LIG1: variants seen among roughly 807,000 people sequenced by gnomAD.
LIG1 encodes DNA ligase 1, also known as ligase I, DNA, ATP-dependent.
LIG1 carries 70 observed loss-of-function variants against 115.7 expected under a neutral mutation model. The ratio of observed to expected loss-of-function variants is 0.60; its 90% CI spans 0.50 to 0.74. The LOEUF (loss-of-function observed/expected upper bound fraction) is 0.74. Among genes scored for constraint, LIG1 ranks in the 30% least tolerant of loss-of-function variants. The pLI, the probability that LIG1 is intolerant of heterozygous loss-of-function variation, is 0.00. For synonymous variants in LIG1, 487 were observed against 495.3 expected, an observed-to-expected ratio of 0.98 and a Z score of 0.22; for missense variants, 1,115 against 1,225.6, an observed-to-expected ratio of 0.91 and a Z score of 1.35.
At chr19:48,126,937 G>T in intron 21 of LIG1, 2 of 323,566 alleles carry the variant, frequency 6.2e-6, no homozygotes, top group South Asian at 6.1e-5. Context: ...GAGACTAGAG[G>T]CATTATTTTA....
At chr19:48,117,554 A>T in intron 26 of LIG1, 84 bp downstream of exon 26, 1 of 1,424,184 alleles carries the variant, frequency 7.0e-7, no homozygotes, top group Non-Finnish European at 9.7e-7. Flanking sequence ...AGCAGATGTG[A>T]GCCAAGGTCC....
At chr19:48,150,746 G>T (rs2035419651) in intron 7 of LIG1, among the ~76,000 whole-genome samples, 2 of 152,168 alleles carry the variant, frequency 1.3e-5, no homozygotes, top group Admixed American at 1.3e-4. Context: ...GGCCAAGGCT[G>T]GAGTGCAGTG....
At chr19:48,128,121 A>C in intron 19 of LIG1, 101 bp from the exon 20 acceptor site, 1 of 894,086 alleles carries the variant, frequency 1.1e-6, no homozygotes, top group Non-Finnish European at 1.9e-6. Flanking sequence ...TGCAGCTCTC[A>C]AGATGCACTA....
At chr19:48,162,701 T>C (rs2036253967) in intron 2 of LIG1, among the ~76,000 whole-genome samples, 1 of 152,120 alleles carries the variant, frequency 6.6e-6, no homozygotes, top group African/African-American at 2.4e-5. Context: ...GTGCTGGGAT[T>C]ACAGGCATAA....
At position 48,131,393 on chromosome 19, in the gene LIG1, C is replaced by A. The variant is rs923590217; in HGVS notation, c.1726-222G>T. Among the ~76,000 whole-genome samples the A allele has an allele frequency of 7.9e-5, 12 of 152,328 alleles. No individual in the cohort carries two copies. The East Asian group carries it at 1.9e-3, about 24-fold the overall frequency. ...TCTTCTTCATTTCCAATCCCTACAC[C>A]TCTCCCCATGTAGGCACATGCACCT... On this transcript the variant is annotated intron_variant, in intron 18 of 27. Coordinates refer to ENST00000263274, the MANE Select transcript of LIG1 (RefSeq NM_000234.3).
intron 9 of LIG1, among the ~76,000 whole-genome samples, chr19:48,147,981 T>C (rs1216527176): frequency 6.6e-6 from 1 of 152,050 alleles, no homozygotes; most frequent in Non-Finnish European, 1.5e-5. Flanking sequence ...TTATGTCTGG[T>C]TAGGGAGGCT....
chr19:48,141,644 C>T (rs1002467728), intron 11 of LIG1, among the ~76,000 whole-genome samples: 1 of 152,156 alleles, frequency 6.6e-6, no homozygotes, highest in South Asian at 2.1e-4. Context: ...ACCTCTAAAA[C>T]GAAAACCGTG....
At position 48,117,775 on chromosome 19, in the gene LIG1, C is replaced by G. The variant is rs766706558; in HGVS notation, c.2446G>C (p.Val816Leu). Residue 816 changes from valine (V) to leucine (L), a missense_variant, in exon 26 of 28, where the codon GTG (valine) becomes CTG (leucine). Physicochemically the swap from Val to Leu is conservative, Grantham distance 32. Transcript: ENST00000263274. ...EEHHQSLKAL[V>L]LPSPRPYVRI... is the part of the protein sequence containing the mutation. The stretch of plus-strand genomic sequence containing the variant: ...ACGTAAGGGCGTGGGCTGGGCAGCA[C>G]CAGCGCCTGCAGTGAGCAGAGGAAG... 44 of 1,612,352 alleles carry G rather than the reference C, an allele frequency of 2.7e-5. No individual in the cohort carries two copies. In the African/African-American group the frequency reaches 5.3e-4, roughly 20 times the overall value.
chr19:48,149,761 AC>A lies in LIG1; in HGVS notation c.776+1del. ...CCTTTCCAGACCTGGACACTGACTC[AC>A]CCCTCAGCAGCTCCCTCCTTTCCTG... On this transcript the variant is annotated splice_donor_variant, in intron 9 of 27. Transcript: ENST00000263274. LOFTEE classifies it high-confidence loss of function. The A allele has an allele frequency of 6.2e-7, 1 of 1,612,694 alleles. No homozygotes were observed. Among genetic ancestry groups the A allele is most frequent in the African/African-American group, 1.3e-5 (1 of 75,000 alleles).
In LIG1 at chr19:48,127,060, G is replaced by A. The variant is rs989270238; in HGVS notation, c.2004+217C>T. 11 of 575,690 alleles carry A rather than the reference G, an allele frequency of 1.9e-5. No individual in the cohort carries two copies. In the Admixed American group the frequency reaches 2.6e-4, roughly 14 times the overall value. The allele number at this position is 575,690 out of a possible 1,614,324, so 35.7% of individuals were successfully genotyped here. A position where few individuals can be genotyped will look rare whatever the true frequency, so the allele number is the denominator to read the frequency against. ...TGAGGAAGATCCACCTCACGCCAAT[G>A]TGGAGTTGGAAAGAGAGGGACCTTG... On this transcript the variant is annotated intron_variant, in intron 21 of 27. Coordinates refer to ENST00000263274, the MANE Select transcript of LIG1 (RefSeq NM_000234.3).
intron 1 of LIG1, among the ~76,000 whole-genome samples, chr19:48,168,721 T>C (rs147475189): frequency 1.3e-5 from 2 of 152,232 alleles, no homozygotes; most frequent in African/African-American, 2.4e-5. Context: ...AAATGAATGA[T>C]GGATAAAAGG....
intron 7 of LIG1, among the ~76,000 whole-genome samples, chr19:48,150,997 G>A (rs376662539): frequency 5.3e-5 from 8 of 151,972 alleles, no homozygotes; most frequent in East Asian, 3.9e-4. Context: ...CACCGTACCC[G>A]GCCTAGGAAG....
chr19:48,136,472 G>C lies in LIG1; in HGVS notation c.1332-347C>G, dbSNP rs367559282. 3.3e-5 allele frequency among the ~76,000 whole-genome samples: 5 copies of C among 152,284 alleles called. No individual in the cohort carries two copies. In the East Asian group the frequency reaches 9.7e-4, roughly 29 times the overall value. ...CCCGCCCTGGTGACTGTAATGGTCA[G>C]GACCCCAGCATGGTCCTTGCTTTGA... On this transcript the variant is annotated intron_variant, in intron 14 of 27. Transcript: ENST00000263274.
rs3730889 is a variant in LIG1 at position 48,154,779 on chromosome 19, C to T, written c.371-812G>A. Among the ~76,000 whole-genome samples the T allele has an allele frequency of 3.1e-3, 475 of 152,340 alleles. 4 individuals are homozygous for T. Among genetic ancestry groups the T allele is most frequent in the African/African-American group, 0.01 (432 of 41,578 alleles). On this transcript the variant is annotated intron_variant, in intron 5 of 27. Coordinates refer to ENST00000263274, the MANE Select transcript of LIG1 (RefSeq NM_000234.3). ...CTCCCGGCCCCCAGTGGCTCCTTCA[C>T]GTGGCCCCAGAGGGACCTTCTATCA...
At chr19:48,170,060 T>C (rs2036724161) in intron 1 of LIG1, 181 bp downstream of exon 1, 2 of 393,168 alleles carry the variant, frequency 5.1e-6, no homozygotes, top group African/African-American at 2.1e-5. Flanking sequence ...GGGAGACACC[T>C]CTCTGCACTC....
chr19:48,157,450 G>A (rs1386547354), intron 4 of LIG1, among the ~76,000 whole-genome samples: 2 of 152,084 alleles, frequency 1.3e-5, no homozygotes, highest in African/African-American at 4.8e-5. Flanking sequence ...GCTAATTTTT[G>A]TATTTTTAGT....
At chr19:48,130,931 G>C in intron 19 of LIG1, 145 bp downstream of exon 19, 1 of 698,938 alleles carries the variant, frequency 1.4e-6, no homozygotes, top group Non-Finnish European at 2.6e-6. Flanking sequence ...ACGCAGGACT[G>C]AGTGCTCTGT....
intron 18 of LIG1, among the ~76,000 whole-genome samples, chr19:48,132,781 A>G (rs1344119119): frequency 2.5e-5 from 3 of 117,686 alleles, no homozygotes; most frequent in African/African-American, 7.2e-5. Context: ...ACAGAGTGAG[A>G]CTCTGTCTCA....
chr19:48,135,891 G>GCGCCCCAC, intron 15 of LIG1, 112 bp from the exon 16 acceptor site: 1 of 928,766 alleles, frequency 1.1e-6, no homozygotes, highest in Non-Finnish European at 1.7e-6. Context: ...GGCCCAAGAC[G>GCGCCCCAC]CCCCCTCCCC....
Sources: allele counts gnomAD v4.1 joint callset (sites outside exome capture counted in the v4.1 genomes callset), GRCh38; gene constraint gnomAD v4.1.1; transcripts MANE v1.5; gene names NCBI Gene and HGNC (gene_info 2026-07-23, HGNC 2026-07-21).